Variants in COBLL1 observed in about 807,000 individuals in gnomAD.
The protein encoded by COBLL1 is cordon-bleu WH2 repeat protein like 1.
A neutral mutation model predicts 94.8 loss-of-function variants in COBLL1; 50 were observed. That is an observed-to-expected ratio of 0.53 (90% CI 0.42 to 0.67). COBLL1 has a LOEUF of 0.67. COBLL1 is among the 30% of genes least tolerant of loss of function. The pLI is 0.00. For synonymous variants in COBLL1, 448 were observed against 473.8 expected, an observed-to-expected ratio of 0.95 and a Z score of 0.71; for missense variants, 1,362 against 1,348.7, an observed-to-expected ratio of 1.01 and a Z score of -0.15.
chr2:164,722,086 C>G lies in COBLL1; in HGVS notation c.985G>C (p.Glu329Gln). Reference protein sequence around the residue: ...SCIVKSMSVDETDKSPCEAGR... With the variant: ...SCIVKSMSVDQTDKSPCEAGR... ...ACAAAACTACACACCTTATCTGTCT[C>G]ATCCACGCTCATGGATTTCACTATA... Residue 329 changes from glutamate (E) to glutamine (Q), a missense_variant, in exon 7 of 14, where the codon GAG becomes CAG. Physicochemically the swap from Glu to Gln is conservative, Grantham distance 29. Transcript: ENST00000652658. The G allele has an allele frequency of 6.2e-7, 1 of 1,602,012 alleles. No individual in the cohort carries two copies. Among genetic ancestry groups the G allele is most frequent in the Non-Finnish European group, 8.5e-7 (1 of 1,173,640 alleles).
In COBLL1 at chr2:164,685,991, TG is replaced by T; in HGVS notation, c.3341del (p.Ser1114Ter). ...CAGGGGACATGGAATGGCTGAGTCT[TG>T]ACCTTCCATTCACAGATATTGTATT... ...PSNTISVNGR[S>X]RLSHSMSPDA... is the part of the protein sequence containing the mutation. On this transcript the variant is annotated frameshift_variant, in exon 14 of 14. Coordinates refer to ENST00000652658, the MANE Select transcript of COBLL1 (RefSeq NM_001365672.2). LOFTEE classifies it high-confidence loss of function. The T allele has an allele frequency of 6.2e-7, 1 of 1,609,408 alleles. No homozygotes were observed. The highest frequency in any genetic ancestry group is 1.1e-5 in the South Asian group (1 of 90,764).
chr2:164,732,861 C>T (rs373269852), intron 3 of COBLL1, among the ~76,000 whole-genome samples: 27 of 152,288 alleles, frequency 1.8e-4, no homozygotes, highest in African/African-American at 6.0e-4. Context: ...CAAGGCCATC[C>T]TGGCTAACGT....
intron 3 of COBLL1, 174 bp downstream of exon 3, chr2:164,743,513 C>A: frequency 3.5e-6 from 2 of 577,248 alleles, no homozygotes; most frequent in Admixed American, 3.2e-5. Flanking sequence ...GATATTAAAA[C>A]ATTGATAGAA....
At chr2:164,738,548 G>C (rs1048725724) in intron 3 of COBLL1, among the ~76,000 whole-genome samples, 1 of 151,802 alleles carries the variant, frequency 6.6e-6, no homozygotes, top group African/African-American at 2.4e-5. Flanking sequence ...GAGAAGAAGA[G>C]CCACGAGTTC....
intron 11 of COBLL1, chr2:164,697,283 T>G (rs1684006203): frequency 6.6e-6 from 1 of 152,082 alleles, no homozygotes; most frequent in South Asian, 2.1e-4. Flanking sequence ...CAACTGAGTA[T>G]CAGAATACGT....
At chr2:164,766,686 T>C (rs755211939) in intron 2 of COBLL1, among the ~76,000 whole-genome samples, 5 of 152,190 alleles carry the variant, frequency 3.3e-5, no homozygotes, top group Non-Finnish European at 7.3e-5. Context: ...AACGAACTAA[T>C]ACAGTATGTC....
At chr2:164,727,099 A>G (rs200600371) in intron 5 of COBLL1, 5 of 1,459,924 alleles carry the variant, frequency 3.4e-6, no homozygotes, top group Non-Finnish European at 4.7e-6. Flanking sequence ...TGATTCATAC[A>G]TCTTACCTTG....
At chr2:164,825,779 T>C (rs934576735) in intron 2 of COBLL1, among the ~76,000 whole-genome samples, 3 of 152,162 alleles carry the variant, frequency 2.0e-5, no homozygotes, top group Non-Finnish European at 4.4e-5. Flanking sequence ...TCTTATCCCC[T>C]GTACTAAGTG....
At chr2:164,666,528 T>C (rs1691161150) in intron 1 of COBLL1, among the ~76,000 whole-genome samples, 1 of 152,178 alleles carries the variant, frequency 6.6e-6, no homozygotes. Flanking sequence ...CAGTGAAGCT[T>C]GCCACACTAA....
chr2:164,778,223 C>A (rs979217702), intron 2 of COBLL1, among the ~76,000 whole-genome samples: 4 of 152,144 alleles, frequency 2.6e-5, no homozygotes, highest in Non-Finnish European at 5.9e-5. Flanking sequence ...GAATAAAATG[C>A]CAGCTCAGAG....
intron 4 of COBLL1, 33 bp from the exon 5 acceptor site, chr2:164,728,230 T>C (rs1685816413): frequency 7.3e-7 from 1 of 1,368,120 alleles, no homozygotes; most frequent in Non-Finnish European, 1.0e-6. Flanking sequence ...AGTTGTACCA[T>C]AATTCACTGA....
Position 164,837,934 on chromosome 2 carries a change from C to A in COBLL1, c.41+3222G>T, listed in dbSNP as rs1159537946. ...CAGTGGCTTGTGACTGTAGTCTCGG[C>A]CATGCAGGAGGCTGAGGTGGGAGGA... On this transcript the variant is annotated intron_variant, in intron 2 of 13. Coordinates refer to ENST00000652658, the MANE Select transcript of COBLL1 (RefSeq NM_001365672.2). 2.0e-5 allele frequency among the ~76,000 whole-genome samples: 3 copies of A among 152,182 alleles called. No individual in the cohort carries two copies. In the East Asian group the frequency reaches 5.8e-4, roughly 29 times the overall value.
chr2:164,755,775 C>T (rs1395249673), intron 2 of COBLL1, among the ~76,000 whole-genome samples: 1 of 152,130 alleles, frequency 6.6e-6, no homozygotes, highest in Admixed American at 6.5e-5. Context: ...AGATAGTTCA[C>T]TTGCTTCTAA....
intron 2 of COBLL1, among the ~76,000 whole-genome samples, chr2:164,805,917 C>G (rs1049951664): frequency 1.3e-5 from 2 of 152,116 alleles, no homozygotes; most frequent in African/African-American, 4.8e-5. Flanking sequence ...AACTGTCTTC[C>G]CAAGTGGCTG....
Position 164,692,235 on chromosome 2 carries a change from C to T in COBLL1, c.3286G>A (p.Ala1096Thr), listed in dbSNP as rs1683642226. The T allele has an allele frequency of 6.2e-7, 1 of 1,601,856 alleles. No individual in the cohort carries two copies. Among genetic ancestry groups the T allele is most frequent in the African/African-American group, 1.3e-5 (1 of 74,278 alleles). ...LTAIRSGEAA[A>T]KLKRVTIPSN... ...AGAAGACTTACCCTTTTCAATTTGGCAGCAGCCTCTCCCGAACGGATTGCA... is the reference window on the plus strand; with the variant it reads ...AGAAGACTTACCCTTTTCAATTTGGTAGCAGCCTCTCCCGAACGGATTGCA... The change falls in exon 13 of 14, where the codon GCC becomes ACC. Residue 1096 changes from alanine (A) to threonine (T), a missense_variant. Transcript: ENST00000652658.
chr2:164,836,189 A>G (rs1014353466), intron 2 of COBLL1, among the ~76,000 whole-genome samples: 4 of 152,130 alleles, frequency 2.6e-5, no homozygotes, highest in African/African-American at 9.6e-5. Flanking sequence ...ATAGCTGCCT[A>G]ATATCAAAAA....
intron 3 of COBLL1, among the ~76,000 whole-genome samples, chr2:164,739,010 C>A (rs1686462681): frequency 6.6e-6 from 1 of 151,966 alleles, no homozygotes; most frequent in Non-Finnish European, 1.5e-5. Context: ...ATTTTAATTC[C>A]TCCTTCTTTC....
chr2:164,734,999 G>C (rs986904329), intron 3 of COBLL1, among the ~76,000 whole-genome samples: 4 of 152,144 alleles, frequency 2.6e-5, no homozygotes, highest in Non-Finnish European at 5.9e-5. Flanking sequence ...AGATTATAAA[G>C]GGCATTGAAC....
downstream of COBLL1, among the ~76,000 whole-genome samples, chr2:164,676,250 T>C (rs1221165402): frequency 1.3e-5 from 2 of 152,192 alleles, no homozygotes; most frequent in Non-Finnish European, 2.9e-5. Flanking sequence ...GATGTGCCTT[T>C]ATATCTTTTA....
Sources: gnomAD v4.1 joint callset for allele counts (sites outside exome capture counted in the v4.1 genomes callset) on GRCh38, gnomAD v4.1.1 for gene constraint, MANE v1.5 for transcripts, NCBI Gene and HGNC (gene_info 2026-07-23, HGNC 2026-07-21) for gene names.